RNF220: variants seen among roughly 807,000 people sequenced by gnomAD.
RNF220 encodes the protein E3 ubiquitin-protein ligase RNF220.
RNF220 carries 7 observed loss-of-function variants against 67.1 expected under a neutral mutation model. The ratio of observed to expected loss-of-function variants is 0.10; its 90% confidence interval spans 0.06 to 0.20. The LOEUF is 0.20. Ranked by LOEUF, RNF220 falls within the 10% of genes least tolerant of loss-of-function variation. The pLI, the probability that RNF220 is intolerant of heterozygous loss-of-function variation, is 1.00. For synonymous variants in RNF220, 270 were observed against 283.2 expected, an observed-to-expected ratio of 0.95 and a Z score of 0.47; for missense variants, 565 against 740.3, an observed-to-expected ratio of 0.76 and a Z score of 2.75.
rs141872978 is a variant in RNF220, at chr1:44,412,620, G to T, written c.523G>T (p.Gly175Cys). 1 of 1,614,126 alleles carries T rather than the reference G, an allele frequency of 6.2e-7. No homozygotes were observed. The highest frequency in any genetic ancestry group is 8.5e-7 in the Non-Finnish European group (1 of 1,180,030). The change falls in exon 2 of 15, where the codon GGT becomes TGT. Residue 175 changes from glycine (G) to cysteine (C), a missense_variant. Physicochemically the swap from Gly to Cys is radical, Grantham distance 159 (BLOSUM62 -3). Transcript: ENST00000361799. This position sits in a 1 kb window ranked among gnomAD's most constrained non-coding sequence, Gnocchi z 5.3. The stretch of plus-strand genomic sequence containing the variant: ...GACACAGCTGCCATCTAGCTCCCCC[G>T]GTTCACTAAAGGTTGATGACACTGG... ...FGTQLPSSSPGSLKVDDTGKK... is the reference protein window; with the variant it reads ...FGTQLPSSSPCSLKVDDTGKK...
intron 2 of RNF220, among the ~76,000 whole-genome samples, chr1:44,542,921 C>A (rs1310334375): frequency 6.6e-6 from 1 of 151,966 alleles, no homozygotes; most frequent in East Asian, 2.0e-4. Flanking sequence ...CCCTCCCTGC[C>A]CCAGCCCCTC....
chr1:44,471,761 C>A (rs1654829653), intron 2 of RNF220, among the ~76,000 whole-genome samples: 1 of 152,042 alleles, frequency 6.6e-6, no homozygotes, highest in African/African-American at 2.4e-5. Context: ...GAGGCAGAGG[C>A]TGCGGTGAGC....
intron 2 of RNF220, among the ~76,000 whole-genome samples, chr1:44,527,771 C>T (rs1055167464): frequency 1.1e-4 from 16 of 151,230 alleles, no homozygotes; most frequent in Admixed American, 9.9e-4. Flanking sequence ...ACTAAAAATA[C>T]AAAAATTAGC....
intron 2 of RNF220, among the ~76,000 whole-genome samples, chr1:44,425,042 T>G (rs1361706342): frequency 1.3e-5 from 2 of 152,236 alleles, no homozygotes; most frequent in African/African-American, 4.8e-5. Flanking sequence ...TAGAGGAATC[T>G]GTCAGTGTCA....
chr1:44,427,870 G>A (rs1366414615), intron 2 of RNF220, among the ~76,000 whole-genome samples: 1 of 152,130 alleles, frequency 6.6e-6, no homozygotes, highest in African/African-American at 2.4e-5. Context: ...ATGATAAGGG[G>A]TTGGGCACAG....
chr1:44,576,037 T>A lies in RNF220; in HGVS notation c.626-38128T>A, dbSNP rs535442946. Among the ~76,000 whole-genome samples, 16 of 152,356 alleles carry A rather than the reference T, an allele frequency of 1.1e-4. No homozygotes were observed. In the East Asian group the frequency reaches 3.1e-3, roughly 29 times the overall value. ...TTGATCCTCATCCGTAGAGATCACT[T>A]GGGTGATCTACCACTTCACTCAGGT... On this transcript the variant is annotated intron_variant, in intron 2 of 14. Transcript: ENST00000361799.
At chr1:44,418,427 G>GC (rs1648830536) in intron 2 of RNF220, among the ~76,000 whole-genome samples, 1 of 152,176 alleles carries the variant, frequency 6.6e-6, no homozygotes, top group South Asian at 2.1e-4. Flanking sequence ...AATGTTCCGG[G>GC]GAATGTTTCC....
chr1:44,421,379 AT>A (rs1649193872), intron 2 of RNF220, among the ~76,000 whole-genome samples: 1 of 152,186 alleles, frequency 6.6e-6, no homozygotes, highest in African/African-American at 2.4e-5. Context: ...TAGTATTAGA[AT>A]TCACAATCCC....
chr1:44,636,084 A>G lies in RNF220; in HGVS notation c.1048A>G (p.Asn350Asp). The G allele has an allele frequency of 6.2e-7, 1 of 1,614,242 alleles. No homozygotes were observed. The highest frequency in any genetic ancestry group is 8.5e-7 in the Non-Finnish European group (1 of 1,180,038). Reference protein sequence around the residue: ...DDAVDIEHENNNRFEEYEWCG... With the variant: ...DDAVDIEHENDNRFEEYEWCG... ...TGCTGTGGACATCGAGCATGAGAAC[A>G]ACAACCGCTTTGAGGAGTATGAGTG... Residue 350 changes from asparagine to aspartate, a missense_variant, in exon 8 of 15, where the codon AAC becomes GAC. Coordinates refer to ENST00000361799, the MANE Select transcript of RNF220 (RefSeq NM_018150.4).
chr1:44,469,279 T>G (rs1316159763), intron 2 of RNF220, among the ~76,000 whole-genome samples: 1 of 152,204 alleles, frequency 6.6e-6, no homozygotes, highest in East Asian at 1.9e-4. Flanking sequence ...AATCATCTGA[T>G]AAAGGAAAGG....
At chr1:44,576,500 A>C (rs1664813591) in intron 2 of RNF220, among the ~76,000 whole-genome samples, 1 of 152,070 alleles carries the variant, frequency 6.6e-6, no homozygotes, top group Admixed American at 6.5e-5. Flanking sequence ...TTCCCTCCCA[A>C]TTCTAGTGCC....
chr1:44,431,133 G>A (rs938908181), intron 2 of RNF220, among the ~76,000 whole-genome samples: 1 of 152,140 alleles, frequency 6.6e-6, no homozygotes, highest in African/African-American at 2.4e-5. Flanking sequence ...TTAACTGATG[G>A]TTATTTCAGT....
chr1:44,628,683 C>G (rs748999559), intron 5 of RNF220, among the ~76,000 whole-genome samples: 1 of 152,240 alleles, frequency 6.6e-6, no homozygotes, highest in Non-Finnish European at 1.5e-5. Flanking sequence ...GCTATGCTCA[C>G]TGAACTAATG....
chr1:44,456,837 C>T (rs953303048), intron 2 of RNF220, among the ~76,000 whole-genome samples: 2 of 152,136 alleles, frequency 1.3e-5, no homozygotes, highest in African/African-American at 4.8e-5. Flanking sequence ...CCTCATACCC[C>T]TCTGTCTCTT....
chr1:44,594,256 C>T (rs1572983460), intron 2 of RNF220, among the ~76,000 whole-genome samples: 2 of 152,128 alleles, frequency 1.3e-5, no homozygotes, highest in Non-Finnish European at 1.5e-5. Context: ...CCCTGGAGGG[C>T]GCTTTGCCTC....
rs867857253 is a variant in RNF220, at chr1:44,600,682, G to T, written c.626-13483G>T. On this transcript the variant is annotated intron_variant, in intron 2 of 14. Transcript: ENST00000361799. This position sits in a 1 kb window ranked among gnomAD's most constrained non-coding sequence, Gnocchi z 4.0. ...TTAAAAATACAAAAATTAGACAGAT[G>T]TGGTGGCACACACCTGCAGTCCCAG... Among the ~76,000 whole-genome samples the T allele has an allele frequency of 4.4e-4, 67 of 152,062 alleles. 3 individuals are homozygous for T. The highest frequency in any genetic ancestry group is 2.1e-4 in the South Asian group (1 of 4,818).
chr1:44,446,448 A>G (rs1652093338), intron 2 of RNF220, among the ~76,000 whole-genome samples: 2 of 152,142 alleles, frequency 1.3e-5, no homozygotes, highest in Non-Finnish European at 2.9e-5. Flanking sequence ...TTTGCTTAGC[A>G]CCTATGTCTG....
At chr1:44,405,216 CGTGT>C (rs757675915), upstream of RNF220, 19 of 344,786 alleles carry the variant, frequency 5.5e-5, no homozygotes, top group East Asian at 1.8e-4. Flanking sequence ...TGTGTGCGCG[CGTGT>C]GTGTGTCTCC....
At chr1:44,518,282 C>T (rs1310735998) in intron 2 of RNF220, among the ~76,000 whole-genome samples, 1 of 151,932 alleles carries the variant, frequency 6.6e-6, no homozygotes, top group East Asian at 1.9e-4. Context: ...AAAAATAAGC[C>T]AGAGCAGTGG....
Sources: gnomAD v4.1 joint callset for allele counts (sites outside exome capture counted in the v4.1 genomes callset) on GRCh38, gnomAD v4.1.1 for gene constraint, Gnocchi (gnomAD v3.1) non-coding constraint, MANE v1.5 for transcripts, NCBI Gene and HGNC (gene_info 2026-07-23, HGNC 2026-07-21) for gene names.